P2RX1: variants seen among roughly 807,000 people sequenced by gnomAD.
P2RX1 encodes purinergic receptor P2X 1, also known as P2X purinoceptor 1.
Under a neutral mutation model 50.3 loss-of-function variants are expected in P2RX1, and 42 were observed. The observed-to-expected ratio is 0.83, with a 90% CI of 0.65 to 1.08. The LOEUF (loss-of-function observed/expected upper bound fraction) is 1.08, where lower values mean the gene tolerates loss of function less well. Ranked by LOEUF, P2RX1 falls within the 50% of genes least tolerant of loss-of-function variation. The pLI is 0.00. For synonymous variants in P2RX1, 199 were observed against 202.6 expected (o/e 0.98, Z 0.15); for missense variants, 449 against 529.0 (o/e 0.85, Z 1.48).
rs771992180 is a variant in P2RX1, at chr17:3,898,013, C to T, written c.1130G>A (p.Gly377Glu). 3.1e-6 allele frequency: 5 copies of T among 1,613,648 alleles called. No homozygotes were observed. The highest frequency in any genetic ancestry group is 4.2e-6 in the Non-Finnish European group (5 of 1,179,904). ...TGGCTCGGGGGGTTCTCTTACCGCC[C>T]CTGGCCCCATGTCCTCAGCGTATTT... ...KFKYAEDMGP[G>E]AAERDLAATS... Residue 377 changes from glycine (G) to glutamate (E), a missense_variant, in exon 11 of 12, where the codon GGG (glycine) becomes GAG (glutamate). Gly to Glu is a moderately conservative substitution (Grantham distance 98). Transcript: ENST00000225538.
At chr17:3,913,027 G>A (rs1350010316) in intron 1 of P2RX1, among the ~76,000 whole-genome samples, 1 of 152,006 alleles carries the variant, frequency 6.6e-6, no homozygotes, top group Admixed American at 6.6e-5. Context: ...CCATCAGTGT[G>A]TCACCTCCTC....
Position 3,914,206 on chromosome 17 carries a change from A to G in P2RX1, c.137+1883T>C, listed in dbSNP as rs2144085118. Among the ~76,000 whole-genome samples, 1 of 152,272 alleles carries G rather than the reference A, an allele frequency of 6.6e-6. No individual in the cohort carries two copies. The highest frequency in any genetic ancestry group is 2.1e-4 in the South Asian group (1 of 4,818). ...ATCAAGGCTGACTTTGGAGCCATGC[A>G]GGTGGGTTCAAATCCTGGTTAGTCT... On this transcript the variant is annotated intron_variant, in intron 1 of 11. Coordinates refer to ENST00000225538, the MANE Select transcript of P2RX1 (RefSeq NM_002558.4). The surrounding 1 kb of genome is among the most constrained non-coding windows in gnomAD (Gnocchi z 4.1).
chr17:3,903,982 T>C lies in P2RX1; in HGVS notation c.470A>G (p.Lys157Arg). ...GKCVAFNDTV[K>R]TCEIFGWCPV... ...GCACCAGCCAAAGATCTCACACGTC[T>C]TCACAGTGTCGTTGAAGGCCACACA... Residue 157 changes from lysine to arginine, a missense_variant, in exon 5 of 12, where the codon AAG becomes AGG. By Grantham distance (26) the Lys-to-Arg change is conservative (BLOSUM62 2). Transcript: ENST00000225538. The surrounding 1 kb of genome is among the most constrained non-coding windows in gnomAD (Gnocchi z 4.6). 2 of 1,614,134 alleles carry C rather than the reference T, an allele frequency of 1.2e-6. No homozygotes were observed. The highest frequency in any genetic ancestry group is 1.7e-6 in the Non-Finnish European group (2 of 1,180,002).
Position 3,897,705 on chromosome 17 carries a change from T to G in P2RX1, c.*109A>C. On this transcript the variant is annotated 3_prime_UTR_variant, in exon 12 of 12. Transcript: ENST00000225538. ...TCTGGCAAACTGCTCTCTGCCTGGC[T>G]GAGAGGGTAGGAGACTTCCTGGGGA... The G allele has an allele frequency of 2.1e-6, 2 of 970,086 alleles. No individual in the cohort carries two copies. The highest frequency in any genetic ancestry group is 3.2e-6 in the Non-Finnish European group (2 of 624,932). The allele number at this position is 970,086 out of a possible 1,614,324, so 60.1% of individuals were successfully genotyped here. A position where few individuals can be genotyped will look rare whatever the true frequency, so the allele number is the denominator to read the frequency against.
intron 9 of P2RX1, 110 bp from the exon 10 acceptor site, chr17:3,898,659 C>T (rs1380772439): frequency 1.2e-6 from 1 of 852,944 alleles, no homozygotes; most frequent in South Asian, 1.4e-5. Context: ...GAACTGTCCC[C>T]ACCTCGGACT....
chr17:3,915,796 T>C, intron 1 of P2RX1: 1 of 552,160 alleles, frequency 1.8e-6, no homozygotes, highest in South Asian at 1.5e-5. Context: ...GCCCTGGCCC[T>C]GAACACCACT....
intron 9 of P2RX1, 37 bp from the exon 10 acceptor site, chr17:3,898,586 C>A: frequency 1.3e-6 from 2 of 1,534,112 alleles, no homozygotes; most frequent in South Asian, 1.1e-5. Context: ...GGCTAACCGT[C>A]GGAAGGGGCC....
intron 3 of P2RX1, 119 bp from the exon 4 acceptor site, chr17:3,904,518 A>C (rs1160156597): frequency 2.3e-6 from 2 of 864,272 alleles, no homozygotes; most frequent in Admixed American, 4.2e-5. Flanking sequence ...ACCTCTCTGG[A>C]GTGACGCCTG....
intron 1 of P2RX1, among the ~76,000 whole-genome samples, chr17:3,911,660 G>A (rs2056367647): frequency 6.6e-6 from 1 of 152,148 alleles, no homozygotes; most frequent in Non-Finnish European, 1.5e-5. Context: ...TCTGCCTGCA[G>A]AAGAAATCCG....
intron 7 of P2RX1, among the ~76,000 whole-genome samples, chr17:3,900,322 C>T (rs963480812): frequency 7.2e-5 from 11 of 151,872 alleles, no homozygotes; most frequent in Admixed American, 5.9e-4. Flanking sequence ...GGCATGGTGG[C>T]GGGTGCCTGT....
intron 7 of P2RX1, among the ~76,000 whole-genome samples, chr17:3,900,894 G>T (rs1220855444): frequency 2.0e-5 from 3 of 152,146 alleles, no homozygotes; most frequent in Admixed American, 1.3e-4. Context: ...GGATTGGGAA[G>T]AAAACATTGG....
intron 4 of P2RX1, 119 bp downstream of exon 4, chr17:3,904,211 C>G: frequency 2.6e-6 from 3 of 1,146,898 alleles, no homozygotes; most frequent in Non-Finnish European, 3.9e-6. Flanking sequence ...GAGTCCCTCC[C>G]GGAGGCCGCC....
At chr17:3,904,057 A>T in intron 4 of P2RX1, 33 bp from the exon 5 acceptor site, 1 of 1,562,354 alleles carries the variant, frequency 6.4e-7, no homozygotes, top group South Asian at 1.1e-5. Flanking sequence ...GGGTGCCTGC[A>T]CTAAACAGAG....
chr17:3,899,539 C>T (rs1017419405), intron 8 of P2RX1, 95 bp downstream of exon 8: 7 of 1,552,520 alleles, frequency 4.5e-6, no homozygotes, highest in Admixed American at 3.4e-5. Flanking sequence ...CTCTGCTCCC[C>T]TCTGGGGACA....
Position 3,899,000 on chromosome 17 carries a change from G to A in P2RX1, c.900C>T (p.Asn300=), listed in dbSNP as rs567491886. 2.6e-5 allele frequency: 42 copies of A among 1,613,124 alleles called. No individual in the cohort carries two copies. Among genetic ancestry groups the A allele is most frequent in the Admixed American group, 1.2e-4 (7 of 59,962 alleles). The part of the protein sequence containing the change: ...NFRFARHFVE[N]GTNYRHLFKV... ...TGAAGAGGTGACGGTAGTTGGTCCC[G>A]TTCTCCACAAAGTGCCTGGCAAACC... The change falls in exon 9 of 12, where the codon AAC becomes AAT. Residue 300 remains asparagine (N), a synonymous_variant. Coordinates refer to ENST00000225538, the MANE Select transcript of P2RX1 (RefSeq NM_002558.4).
chr17:3,904,965 T>C (rs1397165145), intron 2 of P2RX1, 36 bp from the exon 3 acceptor site: 4 of 509,738 alleles, frequency 7.8e-6, no homozygotes, highest in South Asian at 1.5e-5. Flanking sequence ...TGGGGTGGGC[T>C]GGGAGCTGGG....
In P2RX1 at chr17:3,896,937, T is replaced by C. The variant is rs545152651; in HGVS notation, c.*877A>G. On this transcript the variant is annotated 3_prime_UTR_variant, in exon 12 of 12. Transcript: ENST00000225538. ...ATGCTGTGTGCACGTAGGTGGTGTG[T>C]ACACTGGGTTGTGTGCATGAGACAC... 1 of 152,582 alleles carries C rather than the reference T, an allele frequency of 6.6e-6. No homozygotes were observed. Among genetic ancestry groups the C allele is most frequent in the South Asian group, 2.1e-4 (1 of 4,828 alleles). 9.5% of individuals were successfully genotyped at this position (152,582 alleles called of 1,614,324 possible). A position where few individuals can be genotyped will look rare whatever the true frequency, so the allele number is the denominator to read the frequency against.
At chr17:3,899,488 C>T (rs993489596) in intron 8 of P2RX1, 146 bp downstream of exon 8, 11 of 1,076,414 alleles carry the variant, frequency 1.0e-5, no homozygotes, top group Non-Finnish European at 1.3e-5. Context: ...CTGCTGGCTT[C>T]CTGCATGGCC....
In P2RX1 at chr17:3,916,254, C is replaced by T. The variant is rs1437725415; in HGVS notation, c.-29G>A. The T allele has an allele frequency of 6.2e-7, 1 of 1,609,294 alleles. No individual in the cohort carries two copies. On this transcript the variant is annotated 5_prime_UTR_variant, in exon 1 of 12. Coordinates refer to ENST00000225538, the MANE Select transcript of P2RX1 (RefSeq NM_002558.4). The stretch of plus-strand genomic sequence containing the variant: ...GGGCCGGCTGGGGCTCAGAACTGAG[C>T]CCCCTGCACGGCCTCTGCTCTCAGG...
Sources: gnomAD v4.1 joint callset for allele counts (sites outside exome capture counted in the v4.1 genomes callset) on GRCh38, gnomAD v4.1.1 for gene constraint, Gnocchi (gnomAD v3.1) non-coding constraint, MANE v1.5 for transcripts, NCBI Gene and HGNC (gene_info 2026-07-23, HGNC 2026-07-21) for gene names.